Variants in CHST9 observed in about 807,000 individuals in gnomAD.
CHST9 encodes carbohydrate sulfotransferase 9, also known as GalNAc-4-sulfotransferase 2.
A neutral mutation model predicts 44.4 loss-of-function variants in CHST9; 41 were observed. That is an observed-to-expected ratio of 0.92 (90% confidence interval 0.72 to 1.20). CHST9 has a LOEUF of 1.20. CHST9 is among the 50% of genes most tolerant of loss of function. The pLI is 0.00. For missense variants in CHST9, 504 were observed against 516.5 expected, an observed-to-expected ratio of 0.98 and a Z score of 0.23; for synonymous variants, 171 against 178.4, an observed-to-expected ratio of 0.96 and a Z score of 0.33.
chr18:27,041,106 A>G (rs2057439766), intron 3 of CHST9, among the ~76,000 whole-genome samples: 1 of 152,136 alleles, frequency 6.6e-6, no homozygotes, highest in Non-Finnish European at 1.5e-5. Context: ...CTTCCACGAT[A>G]AATTAGTTGA....
In CHST9 at chr18:27,061,016, TTTCAGTGCATGTTGTCACATC is replaced by T. The variant is rs563206929; in HGVS notation, c.122-12534_122-12514del. 4.5e-4 allele frequency among the ~76,000 whole-genome samples: 69 copies of T among 152,352 alleles called. No homozygotes were observed. In the East Asian group the frequency reaches 0.011, roughly 24 times the overall value. ...GCATGGGAGAAACCATCTCCTTTTCTTTCAGTGCATGTTGTCACATCTGGGCATGATGACTGGTTCTTGACC... is the reference window on the plus strand; with the variant it reads ...GCATGGGAGAAACCATCTCCTTTTCTTGGGCATGATGACTGGTTCTTGACC... On this transcript the variant is annotated intron_variant, in intron 2 of 5. Coordinates refer to ENST00000618847, the MANE Select transcript of CHST9 (RefSeq NM_031422.6).
rs980575733 is a variant in CHST9, at chr18:27,156,046, T to C, written c.-96-13141A>G. Among the ~76,000 whole-genome samples the C allele has an allele frequency of 5.9e-5, 9 of 151,828 alleles. No homozygotes were observed. In the East Asian group the frequency reaches 1.6e-3, roughly 26 times the overall value. On this transcript the variant is annotated intron_variant, in intron 1 of 5. Coordinates refer to ENST00000618847, the MANE Select transcript of CHST9 (RefSeq NM_031422.6). Reference sequence around the variant, plus strand: ...AAAACGTGTGATTAAGAAACCGAGATAGGATATTATCACACAATATGCATG... The same window carrying C: ...AAAACGTGTGATTAAGAAACCGAGACAGGATATTATCACACAATATGCATG...
intron 4 of CHST9, among the ~76,000 whole-genome samples, chr18:27,009,395 C>G (rs146726410): frequency 1.0e-3 from 153 of 152,280 alleles, no homozygotes; most frequent in African/African-American, 3.6e-3. Context: ...GTTCTGCACT[C>G]ATTATTGCTT....
At chr18:27,181,004 A>G (rs1002956924) in intron 1 of CHST9, among the ~76,000 whole-genome samples, 3 of 152,202 alleles carry the variant, frequency 2.0e-5, no homozygotes, top group Non-Finnish European at 2.9e-5. Context: ...CACTTTATGT[A>G]GTGAGCACAT....
At chr18:26,960,305 T>C (rs1479084027) in intron 4 of CHST9, among the ~76,000 whole-genome samples, 2 of 152,208 alleles carry the variant, frequency 1.3e-5, no homozygotes, top group African/African-American at 4.8e-5. Context: ...TTTGAATAAT[T>C]TGATGTTTCA....
chr18:27,029,318 TA>T (rs2143485926), intron 3 of CHST9, among the ~76,000 whole-genome samples: 1 of 152,322 alleles, frequency 6.6e-6, no homozygotes, highest in Non-Finnish European at 1.5e-5. Flanking sequence ...GGTTTTAGCA[TA>T]CAAATTTTGC....
rs922434158 is a variant in CHST9 at position 26,994,529 on chromosome 18, C to G, written c.202+29587G>C. ...CCCAAATGGCTCTCAGTGGTCTGCA[C>G]CTCCTGTTCTTCATGCCCTTGTGTA... On this transcript the variant is annotated intron_variant, in intron 4 of 5. Coordinates refer to ENST00000618847, the MANE Select transcript of CHST9 (RefSeq NM_031422.6). Among the ~76,000 whole-genome samples, 3 of 152,026 alleles carry G rather than the reference C, an allele frequency of 2.0e-5. No homozygotes were observed. The East Asian group carries it at 5.8e-4, about 29-fold the overall frequency.
At chr18:27,067,195 G>T (rs553488497) in intron 2 of CHST9, among the ~76,000 whole-genome samples, 2 of 151,768 alleles carry the variant, frequency 1.3e-5, no homozygotes, top group East Asian at 3.9e-4. Context: ...GGATAACTTG[G>T]CTGGTAAACT....
At chr18:27,062,682 G>A (rs902965100) in intron 2 of CHST9, among the ~76,000 whole-genome samples, 2 of 152,096 alleles carry the variant, frequency 1.3e-5, no homozygotes, top group African/African-American at 4.8e-5. Flanking sequence ...ACCCAGTAAT[G>A]GGATGGCTGG....
chr18:27,039,883 G>A (rs760250915), intron 3 of CHST9, among the ~76,000 whole-genome samples: 5 of 152,046 alleles, frequency 3.3e-5, no homozygotes, highest in Non-Finnish European at 7.4e-5. Context: ...AAGAAAAATG[G>A]CCAGAGAAAA....
intron 2 of CHST9, among the ~76,000 whole-genome samples, chr18:27,130,493 T>C (rs539432409): frequency 2.8e-4 from 42 of 152,352 alleles, no homozygotes; most frequent in Admixed American, 4.6e-4. Context: ...TGAACACTTC[T>C]ACTGTTTTAA....
chr18:27,022,295 T>C (rs192762647), intron 4 of CHST9, among the ~76,000 whole-genome samples: 1 of 152,098 alleles, frequency 6.6e-6, no homozygotes, highest in Non-Finnish European at 1.5e-5. Flanking sequence ...TCTCTCAAAT[T>C]TCTTTATATC....
chr18:27,182,864 CAA>C (rs1245095265), intron 1 of CHST9, among the ~76,000 whole-genome samples: 22 of 152,250 alleles, frequency 1.4e-4, no homozygotes, highest in Non-Finnish European at 2.9e-4. Context: ...ATGTGGGAAA[CAA>C]TGTGTATTTC....
chr18:26,970,669 C>T (rs1007035121), intron 4 of CHST9, among the ~76,000 whole-genome samples: 8 of 152,170 alleles, frequency 5.3e-5, no homozygotes, highest in African/African-American at 9.7e-5. Flanking sequence ...CCCAGGTGAT[C>T]CTCCTGTCTC....
intron 3 of CHST9, among the ~76,000 whole-genome samples, chr18:27,037,919 C>T (rs139092561): frequency 1.3e-5 from 2 of 151,814 alleles, no homozygotes; most frequent in Non-Finnish European, 2.9e-5. Context: ...GAAAGCATTG[C>T]TGCCAAGTAT....
chr18:26,987,680 G>A (rs2145202299), intron 4 of CHST9, among the ~76,000 whole-genome samples: 1 of 152,274 alleles, frequency 6.6e-6, no homozygotes, highest in South Asian at 2.1e-4. Flanking sequence ...AAACTCATAT[G>A]TTGAAACCTA....
At chr18:26,971,859 CACAG>C (rs2056548453) in intron 4 of CHST9, among the ~76,000 whole-genome samples, 1 of 152,120 alleles carries the variant, frequency 6.6e-6, no homozygotes, top group Middle Eastern at 3.4e-3. Context: ...CACGACTCCC[CACAG>C]ACAAAGATTT....
intron 4 of CHST9, among the ~76,000 whole-genome samples, chr18:26,975,896 C>T (rs2056618383): frequency 6.6e-6 from 1 of 151,280 alleles, no homozygotes; most frequent in Non-Finnish European, 1.5e-5. Context: ...CACCTTGGGG[C>T]AAAGGAGTTG....
intron 4 of CHST9, chr18:26,952,240 C>T: frequency 1.9e-6 from 1 of 527,456 alleles, no homozygotes; most frequent in South Asian, 1.4e-5. Context: ...GGACTTCTGG[C>T]ATCATCTGCT....
Sources: gnomAD v4.1 joint callset for allele counts (sites outside exome capture counted in the v4.1 genomes callset) on GRCh38, gnomAD v4.1.1 for gene constraint, MANE v1.5 for transcripts, NCBI Gene and HGNC (gene_info 2026-07-23, HGNC 2026-07-21) for gene names.